The following SS18 variants were observed in gnomAD, a reference collection of about 807,000 sequenced individuals.
SS18 encodes the protein SS18 subunit of BAF chromatin remodeling complex, also known as protein SSXT.
SS18 carries 28 observed loss-of-function variants against 72.5 expected under a neutral mutation model. The ratio of observed to expected loss-of-function variants is 0.39; its 90% CI spans 0.29 to 0.53. The LOEUF (loss-of-function observed/expected upper bound fraction) is 0.53. SS18 is among the 20% of genes least tolerant of loss of function. The probability of loss-of-function intolerance (pLI) is 0.76; values close to 1 mark genes in which losing one functional copy is unlikely to be tolerated. For missense variants in SS18, 518 were observed against 535.3 expected, an observed-to-expected ratio of 0.97 and a Z score of 0.32; for synonymous variants, 172 against 164.2, an observed-to-expected ratio of 1.05 and a Z score of -0.37.
chr18:26,021,791 C>G (rs2053355503), intron 10 of SS18, among the ~76,000 whole-genome samples: 1 of 152,060 alleles, frequency 6.6e-6, no homozygotes, highest in Non-Finnish European at 1.5e-5. Context: ...TGATAGTACC[C>G]CTCTCTTTGA....
chr18:26,078,140 G>C lies in SS18; in HGVS notation c.167C>G (p.Thr56Arg). ...TATTGTAGCAAGGTATACCAAGTTTGTGTGCAACATCTGCTGATACCTATT... is the reference window on the plus strand; with the variant it reads ...TATTGTAGCAAGGTATACCAAGTTTCTGTGCAACATCTGCTGATACCTATT... ...ECSQYQQMLHTNLVYLATIAD... is the reference protein window; with the variant it reads ...ECSQYQQMLHRNLVYLATIAD... The change falls in exon 3 of 11, where the codon ACA becomes AGA. Residue 56 changes from threonine to arginine, a missense_variant. Coordinates refer to ENST00000415083, the MANE Select transcript of SS18 (RefSeq NM_001007559.3). The C allele has an allele frequency of 6.2e-7, 1 of 1,612,462 alleles. No individual in the cohort carries two copies. Among genetic ancestry groups the C allele is most frequent in the African/African-American group, 1.3e-5 (1 of 75,002 alleles).
chr18:26,031,790 C>A (rs182176330), intron 10 of SS18, among the ~76,000 whole-genome samples: 3 of 151,888 alleles, frequency 2.0e-5, no homozygotes, highest in African/African-American at 7.3e-5. Context: ...CAACAGAGGG[C>A]GGAAAGTTTT....
Position 26,090,612 on chromosome 18 carries a change from G to T in SS18, c.-43C>A, listed in dbSNP as rs891508328. The T allele has an allele frequency of 3.2e-6, 5 of 1,545,456 alleles. No individual in the cohort carries two copies. The highest frequency in any genetic ancestry group is 4.4e-6 in the Non-Finnish European group (5 of 1,143,598). On this transcript the variant is annotated 5_prime_UTR_variant, in exon 1 of 11. Coordinates refer to ENST00000415083, the MANE Select transcript of SS18 (RefSeq NM_001007559.3). ...TATCGGCAAGTCCCGAGCGCTCCGG[G>T]TGAACGGCAAACTGGGGGAGAGACG... is the stretch of plus-strand genomic sequence containing the variant.
At chr18:26,065,192 A>T (rs1393502473) in intron 3 of SS18, among the ~76,000 whole-genome samples, 1 of 152,172 alleles carries the variant, frequency 6.6e-6, no homozygotes, top group East Asian at 1.9e-4. Context: ...ATCCCAATAA[A>T]AATTCCACAG....
At chr18:26,078,002 C>T in intron 3 of SS18, 74 bp downstream of exon 3, 1 of 1,093,204 alleles carries the variant, frequency 9.1e-7, no homozygotes, top group Non-Finnish European at 1.3e-6. Flanking sequence ...ACTTAAAAAT[C>T]ATTCAACAAA....
chr18:26,063,236 T>C (rs1219714911), intron 3 of SS18, among the ~76,000 whole-genome samples: 1 of 151,018 alleles, frequency 6.6e-6, no homozygotes, highest in Non-Finnish European at 1.5e-5. Context: ...TAGAAATCAG[T>C]AGGCCGGGTG....
chr18:26,089,928 C>T (rs907157334), intron 1 of SS18: 1 of 152,560 alleles, frequency 6.6e-6, no homozygotes, highest in Non-Finnish European at 1.5e-5. Context: ...GGGGACAACC[C>T]CAGAGTCCAT....
intron 10 of SS18, chr18:26,023,748 A>G: frequency 9.7e-6 from 4 of 414,340 alleles, no homozygotes; most frequent in Non-Finnish European, 1.8e-5. Context: ...AACATCCTTC[A>G]GGCAAACAAA....
intron 5 of SS18, among the ~76,000 whole-genome samples, chr18:26,043,100 G>A (rs1197691932): frequency 6.6e-6 from 1 of 152,076 alleles, no homozygotes; most frequent in Non-Finnish European, 1.5e-5. Flanking sequence ...TATGAAACGG[G>A]TAGTATTATT....
intron 4 of SS18, 128 bp from the exon 5 acceptor site, chr18:26,052,973 T>C: frequency 1.4e-6 from 1 of 706,132 alleles, no homozygotes; most frequent in Non-Finnish European, 2.3e-6. Context: ...GATAGCAAAG[T>C]AAATGGTTTA....
chr18:26,035,973 GA>G lies in SS18; in HGVS notation c.881-51del. On this transcript the variant is annotated intron_variant, in intron 7 of 10. Transcript: ENST00000415083. The surrounding 1 kb of genome is among the most constrained non-coding windows in gnomAD (Gnocchi z 4.4). ...GAAGAAACGTTAATGGCCACTGAGTGAAAACCCTAAAAATATTTAAACTTTC... is the reference window on the plus strand; with the variant it reads ...GAAGAAACGTTAATGGCCACTGAGTGAAACCCTAAAAATATTTAAACTTTC... The G allele has an allele frequency of 9.1e-7, 1 of 1,101,444 alleles. No homozygotes were observed. 68.2% of individuals were successfully genotyped at this position (1,101,444 alleles called of 1,614,324 possible). A position where few individuals can be genotyped will look rare whatever the true frequency, so the allele number is the denominator to read the frequency against.
At chr18:26,037,805 A>G (rs1255031412) in intron 7 of SS18, among the ~76,000 whole-genome samples, 1 of 152,162 alleles carries the variant, frequency 6.6e-6, no homozygotes, top group Non-Finnish European at 1.5e-5. Context: ...ACACTGTATT[A>G]TAAAATTTTC....
At chr18:26,023,484 C>A in intron 10 of SS18, 1 of 384,524 alleles carries the variant, frequency 2.6e-6, no homozygotes, top group South Asian at 2.7e-5. Context: ...AAGGGAAAAT[C>A]TTAAAAACAG....
At chr18:26,019,972 C>T (rs2053319556) in intron 10 of SS18, among the ~76,000 whole-genome samples, 1 of 151,916 alleles carries the variant, frequency 6.6e-6, no homozygotes, top group African/African-American at 2.4e-5. Context: ...GTAGATAAAA[C>T]AACATTGGCA....
chr18:26,045,270 T>C (rs1203349224), intron 5 of SS18, among the ~76,000 whole-genome samples: 1 of 152,186 alleles, frequency 6.6e-6, no homozygotes, highest in African/African-American at 2.4e-5. Flanking sequence ...TATATCTCCT[T>C]CCACAGAATA....
chr18:26,018,495 C>A, intron 10 of SS18, 115 bp from the exon 11 acceptor site: 2 of 727,742 alleles, frequency 2.7e-6, no homozygotes, highest in South Asian at 2.1e-5. Context: ...GCCGTACCTA[C>A]AATAAACAAA....
intron 4 of SS18, 68 bp from the exon 5 acceptor site, chr18:26,052,913 A>G: frequency 7.3e-7 from 1 of 1,375,642 alleles, no homozygotes; most frequent in Non-Finnish European, 1.0e-6. Flanking sequence ...AAGTACCTGG[A>G]AATAATTTTT....
At chr18:26,058,405 G>T (rs1272012694) in intron 3 of SS18, among the ~76,000 whole-genome samples, 1 of 152,222 alleles carries the variant, frequency 6.6e-6, no homozygotes, top group African/African-American at 2.4e-5. Context: ...CAGATATGAG[G>T]TGGTCTGCCA....
At chr18:26,071,862 G>C (rs1287757035) in intron 3 of SS18, among the ~76,000 whole-genome samples, 1 of 151,848 alleles carries the variant, frequency 6.6e-6, no homozygotes, top group African/African-American at 2.4e-5. Flanking sequence ...GTGAAATAAA[G>C]GCATTTTCAG....
Sources: gnomAD v4.1 joint callset for allele counts (sites outside exome capture counted in the v4.1 genomes callset) on GRCh38, gnomAD v4.1.1 for gene constraint, Gnocchi (gnomAD v3.1) non-coding constraint, MANE v1.5 for transcripts, NCBI Gene and HGNC (gene_info 2026-07-23, HGNC 2026-07-21) for gene names.